Variants in LNPEP observed in about 807,000 individuals in gnomAD.
LNPEP encodes leucyl-cystinyl aminopeptidase.
A neutral mutation model predicts 120.6 loss-of-function variants in LNPEP; 64 were observed. That is an observed-to-expected ratio of 0.53 (90% confidence interval 0.43 to 0.65). The LOEUF is 0.65. Ranked by LOEUF, LNPEP falls within the 30% of genes least tolerant of loss-of-function variation. The pLI, the probability that LNPEP is intolerant of heterozygous loss-of-function variation, is 0.00. For missense variants in LNPEP, 1,057 were observed against 1,200.0 expected, an observed-to-expected ratio of 0.88 and a Z score of 1.76; for synonymous variants, 435 against 425.4, an observed-to-expected ratio of 1.02 and a Z score of -0.28.
chr5:97,005,999 A>C, intron 9 of LNPEP, 74 bp from the exon 10 acceptor site: 1 of 395,422 alleles, frequency 2.5e-6, no homozygotes, highest in Non-Finnish European at 4.0e-6. Context: ...CAGATAAATT[A>C]AAATGTAAAA....
intron 4 of LNPEP, among the ~76,000 whole-genome samples, chr5:96,988,368 C>T (rs1448829145): frequency 1.6e-5 from 2 of 126,432 alleles, no homozygotes; most frequent in Non-Finnish European, 3.2e-5. Flanking sequence ...GACAGAGTCT[C>T]GCACTGTCGC....
intron 1 of LNPEP, among the ~76,000 whole-genome samples, chr5:96,960,986 G>T (rs1329501388): frequency 1.3e-5 from 2 of 151,772 alleles, no homozygotes; most frequent in Non-Finnish European, 2.9e-5. Context: ...GATTTTTGTT[G>T]TTCTGGTTTG....
rs907627384 is a variant in LNPEP at position 97,028,749 on chromosome 5, C to T, written c.*216C>T. On this transcript the variant is annotated 3_prime_UTR_variant, in exon 18 of 18. Transcript: ENST00000231368. ...GTTATTTATTACAAAATTATATTCA[C>T]CTAAATGCCAACCATCTACAAAAAC... 7.0e-6 allele frequency: 3 copies of T among 430,890 alleles called. No individual in the cohort carries two copies. The highest frequency in any genetic ancestry group is 4.1e-5 in the African/African-American group (2 of 49,160). The allele number at this position is 430,890 out of a possible 1,614,324, so 26.7% of individuals were successfully genotyped here.
chr5:96,980,099 C>A, intron 2 of LNPEP, 121 bp downstream of exon 2: 1 of 886,634 alleles, frequency 1.1e-6, no homozygotes, highest in Non-Finnish European at 1.7e-6. Context: ...AAGTTATATA[C>A]AAAATAGTAG....
intron 1 of LNPEP, among the ~76,000 whole-genome samples, chr5:96,949,854 C>G (rs1789283544): frequency 6.6e-6 from 1 of 152,012 alleles, no homozygotes; most frequent in Non-Finnish European, 1.5e-5. Flanking sequence ...CCAAAACAAA[C>G]ATTTAACAGT....
chr5:97,026,264 A>G (rs562194120), intron 15 of LNPEP, among the ~76,000 whole-genome samples: 1 of 152,168 alleles, frequency 6.6e-6, no homozygotes, highest in African/African-American at 2.4e-5. Flanking sequence ...TAAGAATAGT[A>G]ATATAATTAA....
At chr5:97,028,032 C>G (rs141439772) in intron 17 of LNPEP, among the ~76,000 whole-genome samples, 18 of 152,284 alleles carry the variant, frequency 1.2e-4, no homozygotes, top group African/African-American at 4.3e-4. Context: ...TCCCTTGTCT[C>G]CCTAATACAA....
Position 96,986,558 on chromosome 5 carries a change from A to G in LNPEP, c.1019A>G (p.Asp340Gly), listed in dbSNP as rs1790249030. 4 of 1,613,424 alleles carry G rather than the reference A, an allele frequency of 2.5e-6. No homozygotes were observed. The East Asian group carries it at 8.9e-5, about 36-fold the overall frequency. Residue 340 changes from aspartate to glycine, a missense_variant, in exon 4 of 18, where the codon GAT becomes GGT. Physicochemically the swap from Asp to Gly is moderately conservative, Grantham distance 94. Transcript: ENST00000231368. ...TTGTAGAAGTCATCAGTCGTTCTAGATGATGGACTTGTTCAGGATGAGTTT... is the reference window on the plus strand; with the variant it reads ...TTGTAGAAGTCATCAGTCGTTCTAGGTGATGGACTTGTTCAGGATGAGTTT... ...NMPKKSSVVL[D>G]DGLVQDEFSE...
intron 15 of LNPEP, among the ~76,000 whole-genome samples, chr5:97,026,308 GA>G (rs1409486989): frequency 4.0e-5 from 6 of 151,752 alleles, no homozygotes; most frequent in Non-Finnish European, 5.9e-5. Flanking sequence ...GTTTTTACCA[GA>G]AAAAAATACC....
intron 4 of LNPEP, among the ~76,000 whole-genome samples, chr5:96,989,328 A>AT (rs1191055335): frequency 9.5e-5 from 2 of 21,018 alleles, no homozygotes; most frequent in Non-Finnish European, 1.7e-4. Context: ...TATAATATAT[A>AT]ATTATATATA....
At position 97,037,048 on chromosome 5, in the gene LNPEP, T is replaced by C. The variant is rs1052200711; in HGVS notation, c.*8515T>C. Reference sequence around the variant, plus strand: ...AATACGCTGTGTATGTATGTGTATATAAAATGAGAATTATGGCATAATTGG... The same window carrying C: ...AATACGCTGTGTATGTATGTGTATACAAAATGAGAATTATGGCATAATTGG... On this transcript the variant is annotated 3_prime_UTR_variant, in exon 18 of 18. Transcript: ENST00000231368. 2.6e-5 allele frequency: 4 copies of C among 152,138 alleles called. No homozygotes were observed. Among genetic ancestry groups the C allele is most frequent in the African/African-American group, 9.7e-5 (4 of 41,446 alleles). The allele number at this position is 152,138 out of a possible 1,614,324, so 9.4% of individuals were successfully genotyped here. A position where few individuals can be genotyped will look rare whatever the true frequency, so the allele number is the denominator to read the frequency against.
intron 1 of LNPEP, among the ~76,000 whole-genome samples, chr5:96,978,804 C>G (rs1457971877): frequency 6.6e-6 from 1 of 152,186 alleles, no homozygotes; most frequent in Non-Finnish European, 1.5e-5. Context: ...ACAGTGCCCT[C>G]TCAAGCCCAG....
chr5:96,980,045 T>C, intron 2 of LNPEP, 67 bp downstream of exon 2: 3 of 1,422,396 alleles, frequency 2.1e-6, no homozygotes, highest in Non-Finnish European at 2.8e-6. Context: ...GATCCCTTTG[T>C]CCACACCAGA....
chr5:96,968,597 G>A (rs546035280), intron 1 of LNPEP, among the ~76,000 whole-genome samples: 4 of 151,902 alleles, frequency 2.6e-5, no homozygotes, highest in Non-Finnish European at 5.9e-5. Flanking sequence ...ACTCTTTTAG[G>A]GAGAGTAGGA....
chr5:96,970,936 C>T (rs988176893), intron 1 of LNPEP, among the ~76,000 whole-genome samples: 6 of 151,894 alleles, frequency 4.0e-5, no homozygotes, highest in Admixed American at 1.3e-4. Flanking sequence ...TTTATTTTAA[C>T]ATGTATTATT....
intron 8 of LNPEP, among the ~76,000 whole-genome samples, chr5:96,999,390 G>C (rs1190162205): frequency 2.0e-5 from 3 of 152,126 alleles, no homozygotes; most frequent in African/African-American, 7.2e-5. Context: ...GGCCAGTAAA[G>C]AAAGAGGCAG....
At chr5:97,016,365 G>A (rs925572196) in intron 13 of LNPEP, among the ~76,000 whole-genome samples, 1 of 152,116 alleles carries the variant, frequency 6.6e-6, no homozygotes, top group East Asian at 1.9e-4. Context: ...TTTACACACC[G>A]TGCTTAGTGC....
intron 1 of LNPEP, among the ~76,000 whole-genome samples, chr5:96,957,679 AAGAAACGGATTCTCTCC>A (rs1408100422): frequency 5.3e-5 from 8 of 152,170 alleles, no homozygotes; most frequent in South Asian, 4.1e-4. Context: ...GAAAAACAGA[AAGAAACGGATTCTCTCC>A]AGAACTTCCA....
At position 96,965,595 on chromosome 5, in the gene LNPEP, A is replaced by G. The variant is rs143212617; in HGVS notation, c.20-13543A>G. On this transcript the variant is annotated intron_variant, in intron 1 of 17. Transcript: ENST00000231368. ...CCATAATTACAAGTTTAACTAACAT[A>G]AATCAGCTTGAGAACAAACAACTAA... 4.9e-4 allele frequency among the ~76,000 whole-genome samples: 74 copies of G among 152,290 alleles called. No homozygotes were observed. In the East Asian group the frequency reaches 0.013, roughly 26 times the overall value.
Sources: gnomAD v4.1 joint callset for allele counts (sites outside exome capture counted in the v4.1 genomes callset) on GRCh38, gnomAD v4.1.1 for gene constraint, MANE v1.5 for transcripts, NCBI Gene and HGNC (gene_info 2026-07-23, HGNC 2026-07-21) for gene names.